Variants in TSHZ3 observed in about 807,000 individuals in gnomAD.
TSHZ3 encodes teashirt zinc finger homeobox 3.
In TSHZ3, 10 loss-of-function variants were observed where a neutral mutation model predicts 64.5. The ratio of observed to expected loss-of-function variants is 0.16; its 90% CI spans 0.10 to 0.26. The LOEUF is 0.26. Ranked by LOEUF, TSHZ3 falls within the 10% of genes least tolerant of loss-of-function variation. The pLI is 1.00. For synonymous variants in TSHZ3, 608 were observed against 593.1 expected, an observed-to-expected ratio of 1.03 and a Z score of -0.36; for missense variants, 1,242 against 1,421.7, an observed-to-expected ratio of 0.87 and a Z score of 2.03.
At chr19:31,202,724 CA>C (rs1975105825) in intron 5 of TSHZ3, among the ~76,000 whole-genome samples, 1 of 152,212 alleles carries the variant, frequency 6.6e-6, no homozygotes, top group African/African-American at 2.4e-5. Flanking sequence ...AAACCTTCTA[CA>C]ATAGACTCTC....
chr19:31,253,618 T>A (rs889178757), intron 1 of TSHZ3, among the ~76,000 whole-genome samples: 3 of 152,084 alleles, frequency 2.0e-5, no homozygotes, highest in African/African-American at 7.2e-5. Context: ...CCCTTCAGCC[T>A]CCCAAAGTGC....
At chr19:31,317,087 G>A (rs1372579182) in intron 1 of TSHZ3, among the ~76,000 whole-genome samples, 2 of 152,132 alleles carry the variant, frequency 1.3e-5, no homozygotes, top group East Asian at 1.9e-4. Flanking sequence ...TTAGTCGCAG[G>A]AGACTTTTTT....
intron 5 of TSHZ3, among the ~76,000 whole-genome samples, chr19:31,161,415 C>G (rs1019460544): frequency 2.0e-5 from 3 of 152,150 alleles, no homozygotes; most frequent in African/African-American, 7.2e-5. Context: ...GAAGTACATG[C>G]ATAGATATAA....
chr19:31,229,320 C>A (rs1975509964), intron 3 of TSHZ3, among the ~76,000 whole-genome samples: 1 of 152,032 alleles, frequency 6.6e-6, no homozygotes, highest in Non-Finnish European at 1.5e-5. Flanking sequence ...AAAACTACGA[C>A]AATTAAAATA....
At chr19:31,244,885 C>G (rs533723605) in intron 1 of TSHZ3, among the ~76,000 whole-genome samples, 1 of 152,296 alleles carries the variant, frequency 6.6e-6, no homozygotes, top group South Asian at 2.1e-4. Context: ...CTCAAGACAT[C>G]TGCCCACCTC....
intron 4 of TSHZ3, among the ~76,000 whole-genome samples, chr19:31,209,212 G>A (rs1042243009): frequency 6.6e-6 from 1 of 152,184 alleles, no homozygotes; most frequent in African/African-American, 2.4e-5. Flanking sequence ...AAAAAAGAAT[G>A]CTAACTGAAA....
At chr19:31,350,033 G>T (rs1486901659), upstream of TSHZ3, among the ~76,000 whole-genome samples, 3 of 140,698 alleles carry the variant, frequency 2.1e-5, no homozygotes, top group African/African-American at 5.3e-5. Flanking sequence ...GTCCCGGGGC[G>T]CTCGTTACCC....
chr19:31,155,926 T>G (rs1312020957), intron 6 of TSHZ3, among the ~76,000 whole-genome samples: 1 of 152,218 alleles, frequency 6.6e-6, no homozygotes. Flanking sequence ...TAATAAATAC[T>G]TTGTGACATT....
chr19:31,279,181 A>G lies in TSHZ3; in HGVS notation c.612T>C (p.Tyr204=), dbSNP rs759192296. ...VQLYRQSSKL[Y]GSIFTGASKF... ...TGCTGGCCCCCGTGAAGATGGAGCC[A>G]TAGAGCTTGCTGCTCTGCCGGTACA... The change falls in exon 2 of 2, where the codon TAT becomes TAC. Residue 204 remains tyrosine (Y), a synonymous_variant. Transcript: ENST00000240587. The surrounding 1 kb of genome is among the most constrained non-coding windows in gnomAD (Gnocchi z 6.4). The G allele has an allele frequency of 4.3e-5, 69 of 1,613,706 alleles. No homozygotes were observed. The East Asian group carries it at 1.4e-3, about 32-fold the overall frequency.
At chr19:31,149,883 T>TAATC (rs893842787), downstream of TSHZ3, among the ~76,000 whole-genome samples, 1 of 152,154 alleles carries the variant, frequency 6.6e-6, no homozygotes, top group Non-Finnish European at 1.5e-5. Context: ...TTATGAAACT[T>TAATC]AATCATAGAG....
chr19:31,273,804 G>A (rs908860033), downstream of TSHZ3, among the ~76,000 whole-genome samples: 5 of 152,240 alleles, frequency 3.3e-5, no homozygotes, highest in African/African-American at 1.2e-4. Context: ...AAAGAACCAG[G>A]GCCAGCCACA....
chr19:31,165,510 T>C (rs899898996), intron 5 of TSHZ3, among the ~76,000 whole-genome samples: 1 of 152,092 alleles, frequency 6.6e-6, no homozygotes, highest in Non-Finnish European at 1.5e-5. Flanking sequence ...AACGAAGTCA[T>C]CCAAAGATAA....
intron 5 of TSHZ3, chr19:31,204,705 T>A (rs1385868917): frequency 6.6e-6 from 1 of 152,304 alleles, no homozygotes; most frequent in Non-Finnish European, 1.5e-5. Context: ...TTCTTGGCTG[T>A]CCATGTTTCC....
chr19:31,292,519 C>T (rs1976583238), intron 1 of TSHZ3, among the ~76,000 whole-genome samples: 1 of 152,160 alleles, frequency 6.6e-6, no homozygotes, highest in Non-Finnish European at 1.5e-5. Context: ...CTCCAAAATA[C>T]TAAAAGAGCT....
intron 1 of TSHZ3, among the ~76,000 whole-genome samples, chr19:31,292,328 G>A (rs1976580980): frequency 6.6e-6 from 1 of 152,146 alleles, no homozygotes; most frequent in Admixed American, 6.5e-5. Flanking sequence ...GTTCATTGAG[G>A]CAGTTTATGG....
At chr19:31,342,484 TGAAA>T (rs1201771105) in intron 1 of TSHZ3, among the ~76,000 whole-genome samples, 2 of 152,230 alleles carry the variant, frequency 1.3e-5, no homozygotes, top group Admixed American at 6.5e-5. Context: ...AGCACATGGG[TGAAA>T]GACTTACAAG....
chr19:31,183,076 G>T (rs1568339922), intron 5 of TSHZ3, among the ~76,000 whole-genome samples: 1 of 152,044 alleles, frequency 6.6e-6, no homozygotes, highest in Non-Finnish European at 1.5e-5. Context: ...CTTTGGATCT[G>T]AACTACAACA....
At chr19:31,347,522 A>T (rs2021553826) in intron 1 of TSHZ3, among the ~76,000 whole-genome samples, 1 of 152,244 alleles carries the variant, frequency 6.6e-6, no homozygotes, top group South Asian at 2.1e-4. Flanking sequence ...TTTGTGAAGG[A>T]TTCCTCCAAA....
intron 5 of TSHZ3, among the ~76,000 whole-genome samples, chr19:31,181,421 GAGA>G (rs1974712220): frequency 6.6e-6 from 1 of 152,142 alleles, no homozygotes; most frequent in Non-Finnish European, 1.5e-5. Flanking sequence ...TCTGAGCAGA[GAGA>G]AGAAGGGTTT....
Sources: allele counts gnomAD v4.1 joint callset (sites outside exome capture counted in the v4.1 genomes callset), GRCh38; gene constraint gnomAD v4.1.1; non-coding constraint Gnocchi (gnomAD v3.1); transcripts MANE v1.5; gene names NCBI Gene and HGNC (gene_info 2026-07-23, HGNC 2026-07-21).